HECW1: variants seen among roughly 807,000 people sequenced by gnomAD.
HECW1 encodes E3 ubiquitin-protein ligase HECW1.
In HECW1, 61 loss-of-function variants were observed where a neutral mutation model predicts 182.3. The ratio of observed to expected loss-of-function variants is 0.33; its 90% confidence interval spans 0.27 to 0.41. The LOEUF is 0.41. Among genes scored for constraint, HECW1 ranks in the 10% least tolerant of loss-of-function variants. The pLI is 1.00. For synonymous variants in HECW1, 859 were observed against 832.6 expected (o/e 1.03, Z -0.55); for missense variants, 1,739 against 2,108.9 (o/e 0.82, Z 3.44).
intron 27 of HECW1, among the ~76,000 whole-genome samples, chr7:43,551,273 C>T (rs1311409330): frequency 6.6e-6 from 1 of 152,126 alleles, no homozygotes; most frequent in Non-Finnish European, 1.5e-5. Context: ...AGTCAGAATG[C>T]AGAACCCTAA....
At chr7:43,542,101 G>A in intron 26 of HECW1, 103 bp downstream of exon 26, 1 of 1,035,592 alleles carries the variant, frequency 9.7e-7, no homozygotes, top group African/African-American at 1.7e-5. Context: ...GTAGACTTCA[G>A]TGCTTCAGTA....
At chr7:43,268,676 A>G (rs1356201001) in intron 3 of HECW1, among the ~76,000 whole-genome samples, 1 of 152,098 alleles carries the variant, frequency 6.6e-6, no homozygotes, top group Non-Finnish European at 1.5e-5. Flanking sequence ...CACATTTCTA[A>G]CTGTCCACTG....
intron 16 of HECW1, among the ~76,000 whole-genome samples, chr7:43,469,824 A>G (rs1359449686): frequency 2.0e-5 from 3 of 152,200 alleles, no homozygotes; most frequent in Admixed American, 6.5e-5. Flanking sequence ...CTCCCTCTTT[A>G]TGGTCCAAGG....
chr7:43,298,367 T>C (rs1392765828), intron 3 of HECW1, among the ~76,000 whole-genome samples: 1 of 152,268 alleles, frequency 6.6e-6, no homozygotes, highest in African/African-American at 2.4e-5. Context: ...CATGTGCATT[T>C]GTTGACTGAA....
intron 8 of HECW1, among the ~76,000 whole-genome samples, chr7:43,422,138 T>C (rs761653738): frequency 3.0e-4 from 46 of 152,164 alleles, no homozygotes; most frequent in Non-Finnish European, 8.8e-5. Flanking sequence ...GGAAACGTAA[T>C]TGCGGTTTTG....
At chr7:43,263,417 A>G (rs563256739) in intron 3 of HECW1, among the ~76,000 whole-genome samples, 13 of 152,216 alleles carry the variant, frequency 8.5e-5, no homozygotes, top group African/African-American at 2.2e-4. Context: ...CTGGAGTGCA[A>G]TGGTGCCATC....
rs139202271 is a variant in HECW1, at chr7:43,471,568, G to A, written c.3099+2463G>A. On this transcript the variant is annotated intron_variant, in intron 16 of 29. Transcript: ENST00000395891. ...GCAGCTCAGAGCTCTGCTGCTTCAG[G>A]AGGACCGGGGCAAAGAACACGCTGG... Among the ~76,000 whole-genome samples the A allele has an allele frequency of 7.1e-3, 1,074 of 152,314 alleles. 7 individuals carry two copies. Among genetic ancestry groups the A allele is most frequent in the Non-Finnish European group, 0.012 (830 of 68,030 alleles).
In HECW1 at chr7:43,565,558, T is replaced by TTTA. The variant is rs571277771; in HGVS notation, c.*3653_*3655dup. On this transcript the variant is annotated 3_prime_UTR_variant, in exon 30 of 30. Coordinates refer to ENST00000395891, the MANE Select transcript of HECW1 (RefSeq NM_015052.5). ...GAACTTTACATAACAAATGTGGTGC[T>TTTA]TTATTATTATTATTATTATTATTTT... is the stretch of plus-strand genomic sequence containing the variant. The TTTA allele has an allele frequency of 4.4e-3, 742 of 167,800 alleles. 6 individuals are homozygous for TTTA. The highest frequency in any genetic ancestry group is 0.025 in the East Asian group (231 of 9,364). 10.4% of individuals were successfully genotyped at this position (167,800 alleles called of 1,614,324 possible).
chr7:43,278,564 G>T (rs1252058634), intron 3 of HECW1, among the ~76,000 whole-genome samples: 1 of 152,030 alleles, frequency 6.6e-6, no homozygotes, highest in Non-Finnish European at 1.5e-5. Flanking sequence ...GGCTCCCAGA[G>T]CCCCAACCAT....
At chr7:43,522,073 A>C (rs1563086064) in intron 24 of HECW1, among the ~76,000 whole-genome samples, 2 of 152,088 alleles carry the variant, frequency 1.3e-5, no homozygotes, top group Non-Finnish European at 1.5e-5. Context: ...GCCTTACCAG[A>C]CCCTGAATCT....
chr7:43,225,894 C>T (rs1485462855), intron 2 of HECW1, among the ~76,000 whole-genome samples: 5 of 152,066 alleles, frequency 3.3e-5, no homozygotes, highest in Non-Finnish European at 7.4e-5. Flanking sequence ...CCTCAGCCTC[C>T]TGAGTAGCTG....
At chr7:43,249,133 C>T (rs559257239) in intron 3 of HECW1, 1 of 152,458 alleles carries the variant, frequency 6.6e-6, no homozygotes, top group Non-Finnish European at 1.5e-5. Context: ...CCCGTCCCCA[C>T]CTCCATCAGA....
chr7:43,554,870 TCCTTTGGGATGGAATTCTTTCCTGTCA>T, intron 29 of HECW1, 80 bp downstream of exon 29: 4 of 1,306,458 alleles, frequency 3.1e-6, no homozygotes, highest in Non-Finnish European at 4.3e-6. Context: ...TGAGTGACCA[TCCTTTGGGATGGAATTCTTTCCTGTCA>T]CCCAAAGTAT....
At chr7:43,502,333 A>G (rs10246139) in intron 21 of HECW1, among the ~76,000 whole-genome samples, 67,501 of 152,072 alleles carry the variant, frequency 0.44, 15,468 homozygotes, top group South Asian at 0.67. Context: ...TCCAAGTGAG[A>G]GAATACATAT....
chr7:43,435,310 C>T (rs1215590615), intron 8 of HECW1, among the ~76,000 whole-genome samples: 1 of 152,170 alleles, frequency 6.6e-6, no homozygotes, highest in Non-Finnish European at 1.5e-5. Context: ...CTGAGACAAT[C>T]AGCAGGGCTG....
rs369083287 is a variant in HECW1, at chr7:43,362,854, A to G, written c.555+1874A>G. ...CACACAGCAGTTCACTGAATGAGGCAGACACAAGGATCCCTTAGCAGGAAT... is the reference window on the plus strand; with the variant it reads ...CACACAGCAGTTCACTGAATGAGGCGGACACAAGGATCCCTTAGCAGGAAT... On this transcript the variant is annotated intron_variant, in intron 6 of 29. Transcript: ENST00000395891. Among the ~76,000 whole-genome samples, 48 of 152,360 alleles carry G rather than the reference A, an allele frequency of 3.2e-4. No homozygotes were observed. The South Asian group carries it at 9.7e-3, about 31-fold the overall frequency.
intron 2 of HECW1, among the ~76,000 whole-genome samples, chr7:43,180,307 G>A (rs1450236699): frequency 7.9e-6 from 1 of 126,356 alleles, no homozygotes; most frequent in Admixed American, 7.7e-5. Context: ...GTTGGAGGGT[G>A]CACAAAAAAC....
intron 2 of HECW1, among the ~76,000 whole-genome samples, chr7:43,188,666 T>C (rs1017682878): frequency 1.3e-5 from 2 of 151,546 alleles, no homozygotes; most frequent in African/African-American, 4.9e-5. Context: ...CTCTGAGGAG[T>C]TCAATAAAAA....
intron 5 of HECW1, among the ~76,000 whole-genome samples, chr7:43,343,494 C>T (rs890026097): frequency 6.6e-5 from 10 of 151,670 alleles, no homozygotes; most frequent in African/African-American, 2.4e-4. Flanking sequence ...TCAATTCCCA[C>T]CTACGAGTGA....
Sources: allele counts gnomAD v4.1 joint callset (sites outside exome capture counted in the v4.1 genomes callset), GRCh38; gene constraint gnomAD v4.1.1; transcripts MANE v1.5; gene names NCBI Gene and HGNC (gene_info 2026-07-23, HGNC 2026-07-21).